TAFA2: variants seen among roughly 807,000 people sequenced by gnomAD.
The protein encoded by TAFA2 is TAFA chemokine like family member 2, also known as chemokine-like protein TAFA-2.
TAFA2 carries 7 observed loss-of-function variants against 18.8 expected under a neutral mutation model. The ratio of observed to expected loss-of-function variants is 0.37; its 90% CI spans 0.21 to 0.70. The LOEUF (loss-of-function observed/expected upper bound fraction) is 0.70. TAFA2 is among the 30% of genes least tolerant of loss of function. TAFA2 has a pLI of 0.53. For synonymous variants in TAFA2, 60 were observed against 54.2 expected (o/e 1.11, Z -0.47); for missense variants, 122 against 158.1 (o/e 0.77, Z 1.23).
At chr12:61,890,002 C>T (rs1239699925) in intron 1 of TAFA2, among the ~76,000 whole-genome samples, 1 of 152,208 alleles carries the variant, frequency 6.6e-6, no homozygotes, top group Non-Finnish European at 1.5e-5. Context: ...TCCACTGCCA[C>T]AAAATCCAAA....
chr12:61,751,342 T>C (rs1223660817), intron 4 of TAFA2, among the ~76,000 whole-genome samples: 1 of 152,066 alleles, frequency 6.6e-6, no homozygotes, highest in Admixed American at 6.6e-5. Context: ...AATGCCATAG[T>C]GTTCCTTTGG....
intron 1 of TAFA2, among the ~76,000 whole-genome samples, chr12:61,956,157 A>G (rs1365205933): frequency 6.6e-6 from 1 of 151,914 alleles, no homozygotes; most frequent in Non-Finnish European, 1.5e-5. Flanking sequence ...AGCAGAGTCA[A>G]AAAACTCCAT....
intron 1 of TAFA2, among the ~76,000 whole-genome samples, chr12:62,142,931 GT>G (rs2062250110): frequency 1.3e-5 from 2 of 152,000 alleles, no homozygotes; most frequent in Non-Finnish European, 2.9e-5. Flanking sequence ...TACTACTATT[GT>G]TTTCATTTTC....
chr12:61,840,352 T>C (rs1245201503), intron 2 of TAFA2, among the ~76,000 whole-genome samples: 1 of 152,096 alleles, frequency 6.6e-6, no homozygotes, highest in Non-Finnish European at 1.5e-5. Flanking sequence ...GATAATCTTA[T>C]TTGGCATGTT....
At chr12:62,221,261 G>GGAAGGAAGGAAGGAAA (rs1565782436) in intron 1 of TAFA2, among the ~76,000 whole-genome samples, 3 of 150,156 alleles carry the variant, frequency 2.0e-5, no homozygotes, top group African/African-American at 7.4e-5. Flanking sequence ...AAGGAAGGAA[G>GGAAGGAAGGAAGGAAA]GAAGTTTGAA....
chr12:61,730,475 A>G (rs1272332150), intron 4 of TAFA2, among the ~76,000 whole-genome samples: 1 of 151,994 alleles, frequency 6.6e-6, no homozygotes, highest in Non-Finnish European at 1.5e-5. Context: ...TAGAGCTCCT[A>G]CAAGCTTACG....
At chr12:61,759,221 T>C (rs192331275) in intron 2 of TAFA2, among the ~76,000 whole-genome samples, 1 of 152,180 alleles carries the variant, frequency 6.6e-6, no homozygotes, top group Non-Finnish European at 1.5e-5. Context: ...AAAGTAACTG[T>C]GGCATTCACT....
intron 2 of TAFA2, among the ~76,000 whole-genome samples, chr12:61,835,611 G>C (rs1305411495): frequency 1.3e-5 from 2 of 151,844 alleles, no homozygotes; most frequent in Non-Finnish European, 2.9e-5. Context: ...GTTGTAATGA[G>C]TTTTACTATT....
At chr12:62,158,297 A>G (rs983712925) in intron 1 of TAFA2, among the ~76,000 whole-genome samples, 17 of 152,260 alleles carry the variant, frequency 1.1e-4, no homozygotes, top group African/African-American at 3.6e-4. Flanking sequence ...AAGCTGTTGT[A>G]TATAGGTGTA....
In TAFA2 at chr12:61,990,161, A is replaced by G. The variant is rs79116921; in HGVS notation, c.-1-122735T>C. Among the ~76,000 whole-genome samples, 1,332 of 152,190 alleles carry G rather than the reference A, an allele frequency of 8.8e-3. 20 individuals carry two copies. Among genetic ancestry groups the G allele is most frequent in the African/African-American group, 0.031 (1,269 of 41,508 alleles). On this transcript the variant is annotated intron_variant, in intron 1 of 4. Coordinates refer to ENST00000416284, the MANE Select transcript of TAFA2 (RefSeq NM_178539.5). ...CAATGAACTTAAAAAATAAGGAAAA[A>G]AAATTCAAGACAGCTGCAGTATAAT...
chr12:62,087,538 G>C (rs1010568754), intron 1 of TAFA2, among the ~76,000 whole-genome samples: 1 of 152,100 alleles, frequency 6.6e-6, no homozygotes, highest in Non-Finnish European at 1.5e-5. Flanking sequence ...CAAATGCAAA[G>C]TCCTTGAAGC....
intron 1 of TAFA2, among the ~76,000 whole-genome samples, chr12:62,179,520 G>T (rs773255449): frequency 6.6e-6 from 1 of 152,050 alleles, no homozygotes; most frequent in South Asian, 2.1e-4. Flanking sequence ...CATTATTTTT[G>T]ACTTTTAGTT....
intron 2 of TAFA2, among the ~76,000 whole-genome samples, chr12:61,762,249 A>G (rs1869584832): frequency 1.3e-5 from 2 of 152,090 alleles, no homozygotes; most frequent in Admixed American, 6.6e-5. Context: ...GAAGTTCTAA[A>G]CACATGCAGC....
At chr12:61,946,314 G>A (rs1321701308) in intron 1 of TAFA2, among the ~76,000 whole-genome samples, 1 of 149,424 alleles carries the variant, frequency 6.7e-6, no homozygotes, top group African/African-American at 2.5e-5. Context: ...ATTCAAGATG[G>A]ATTAAAGATT....
chr12:61,793,021 C>G (rs938989756), intron 2 of TAFA2, among the ~76,000 whole-genome samples: 1 of 151,406 alleles, frequency 6.6e-6, no homozygotes, highest in African/African-American at 2.4e-5. Flanking sequence ...CTAAATTACT[C>G]GAGTGAAATA....
intron 4 of TAFA2, among the ~76,000 whole-genome samples, chr12:61,752,011 T>C (rs910122192): frequency 1.3e-5 from 2 of 152,058 alleles, no homozygotes; most frequent in Admixed American, 6.6e-5. Context: ...ATAAGTTAAA[T>C]TATTAGTACA....
intron 1 of TAFA2, among the ~76,000 whole-genome samples, chr12:62,111,646 A>C (rs1869736320): frequency 6.6e-6 from 1 of 152,192 alleles, no homozygotes; most frequent in Non-Finnish European, 1.5e-5. Flanking sequence ...GTCTCTAAGA[A>C]CTTGCTGTAT....
At chr12:62,160,877 C>T (rs1402111641) in intron 1 of TAFA2, among the ~76,000 whole-genome samples, 1 of 152,148 alleles carries the variant, frequency 6.6e-6, no homozygotes, top group African/African-American at 2.4e-5. Flanking sequence ...TGGTGCCCCC[C>T]TTGCACCCTG....
chr12:61,956,162 C>T (rs1878689465), intron 1 of TAFA2, among the ~76,000 whole-genome samples: 1 of 149,130 alleles, frequency 6.7e-6, no homozygotes. Flanking sequence ...AGTCAAAAAA[C>T]TCCATTTTAT....
Sources: allele counts gnomAD v4.1 joint callset (sites outside exome capture counted in the v4.1 genomes callset), GRCh38; gene constraint gnomAD v4.1.1; transcripts MANE v1.5; gene names NCBI Gene and HGNC (gene_info 2026-07-23, HGNC 2026-07-21).